PCDHGA2: variants seen among roughly 807,000 people sequenced by gnomAD.
PCDHGA2 encodes protocadherin gamma subfamily A, 2, also known as protocadherin gamma-A2.
A neutral mutation model predicts 59.2 loss-of-function variants in PCDHGA2; 40 were observed. The observed-to-expected ratio is 0.68, with a 90% confidence interval of 0.52 to 0.88. PCDHGA2 has a LOEUF of 0.88. Ranked by LOEUF, PCDHGA2 falls within the 40% of genes least tolerant of loss-of-function variation. The probability of loss-of-function intolerance (pLI) is 0.00; values close to 1 mark genes in which losing one functional copy is unlikely to be tolerated. For synonymous variants in PCDHGA2, 560 were observed against 526.0 expected, an observed-to-expected ratio of 1.06 and a Z score of -0.89; for missense variants, 1,226 against 1,204.0, an observed-to-expected ratio of 1.02 and a Z score of -0.27.
chr5:141,403,465 G>A, intron 1 of PCDHGA2: 1 of 1,614,018 alleles, frequency 6.2e-7, no homozygotes, highest in Non-Finnish European at 8.5e-7. Context: ...AGAGCTACCA[G>A]CTCAGCCCCA....
In PCDHGA2 at chr5:141,408,212, A is replaced by C. The variant is rs1360693546; in HGVS notation, c.2424+66817A>C. ...AGAACCCGAGCGAACGATGGGAGGGAGCTGCGCGCAGAGGCGCCGGGCCGG... is the reference window on the plus strand; with the variant it reads ...AGAACCCGAGCGAACGATGGGAGGGCGCTGCGCGCAGAGGCGCCGGGCCGG... On this transcript the variant is annotated intron_variant, in intron 1 of 3. Coordinates refer to ENST00000394576, the MANE Select transcript of PCDHGA2 (RefSeq NM_018915.4). 1.9e-6 allele frequency: 3 copies of C among 1,554,492 alleles called. No individual in the cohort carries two copies. In the Admixed American group the frequency reaches 5.9e-5, roughly 30 times the overall value.
chr5:141,410,287 C>T (rs1277233674), intron 1 of PCDHGA2: 1 of 1,614,018 alleles, frequency 6.2e-7, no homozygotes, highest in East Asian at 2.2e-5. Context: ...TGGTGGTGGC[C>T]TTGGCCTTAA....
intron 1 of PCDHGA2, chr5:141,392,860 T>G (rs726684): frequency 0.19 from 299,729 of 1,611,996 alleles, 30,027 homozygotes; most frequent in Admixed American, 0.35. Context: ...CTGATCCTGC[T>G]GTGCGCGCTG....
intron 1 of PCDHGA2, chr5:141,352,348 A>G (rs776268889): frequency 1.2e-6 from 2 of 1,613,802 alleles, no homozygotes; most frequent in Admixed American, 3.3e-5. Flanking sequence ...CCTTGATCTC[A>G]GTGCTCTTTC....
intron 1 of PCDHGA2, among the ~76,000 whole-genome samples, chr5:141,453,193 A>G (rs2098757675): frequency 6.6e-6 from 1 of 152,142 alleles, no homozygotes; most frequent in Admixed American, 6.5e-5. Context: ...AGCTCACTGC[A>G]GCCTCAACCT....
At chr5:141,361,078 T>TA in intron 1 of PCDHGA2, 1 of 1,614,004 alleles carries the variant, frequency 6.2e-7, no homozygotes, top group Non-Finnish European at 8.5e-7. Context: ...TGCAAGTAGT[T>TA]ACACTCTGAG....
At chr5:141,443,977 AT>A (rs1443967001) in intron 1 of PCDHGA2, among the ~76,000 whole-genome samples, 1 of 152,020 alleles carries the variant, frequency 6.6e-6, no homozygotes, top group African/African-American at 2.4e-5. Context: ...CATCTAAGCT[AT>A]GTTAATTTTA....
intron 1 of PCDHGA2, chr5:141,427,502 G>A (rs1276688816): frequency 1.7e-6 from 1 of 576,718 alleles, no homozygotes; most frequent in East Asian, 4.0e-5. Flanking sequence ...TAACAGATGG[G>A]ACCCTGGATT....
intron 1 of PCDHGA2, chr5:141,395,466 TC>T (rs951026760): frequency 3.5e-6 from 2 of 577,354 alleles, no homozygotes; most frequent in Non-Finnish European, 5.8e-6. Context: ...TTTTAAGCCT[TC>T]CAGTATTTTA....
At position 141,340,783 on chromosome 5, in the gene PCDHGA2, G is replaced by A; in HGVS notation, c.1812G>A (p.Leu604=). The A allele has an allele frequency of 6.2e-7, 1 of 1,613,896 alleles. No individual in the cohort carries two copies. Residue 604 remains leucine, a synonymous_variant, in exon 1 of 4, where the codon CTG becomes CTA. Transcript: ENST00000394576. ...VDRDSGQNAW[L]SYHLLKASEP... is the part of the protein sequence containing the mutation. ...GAGACTCGGGCCAGAACGCCTGGCT[G>A]TCTTACCACCTGCTCAAGGCCAGCG...
At chr5:141,421,444 A>T in intron 1 of PCDHGA2, 1 of 1,614,020 alleles carries the variant, frequency 6.2e-7, no homozygotes, top group Non-Finnish European at 8.5e-7. Flanking sequence ...CAGAGGGAAG[A>T]CACAGCTTTT....
chr5:141,433,305 C>A, intron 1 of PCDHGA2: 1 of 931,030 alleles, frequency 1.1e-6, no homozygotes, highest in Non-Finnish European at 1.6e-6. Context: ...GCAATTATCC[C>A]ACCTTTGCCT....
At chr5:141,462,698 G>A (rs2099045237) in intron 1 of PCDHGA2, among the ~76,000 whole-genome samples, 1 of 152,062 alleles carries the variant, frequency 6.6e-6, no homozygotes. Context: ...ATTTATAATG[G>A]AGGTTTTAAA....
intron 1 of PCDHGA2, chr5:141,350,533 G>A: frequency 6.2e-7 from 1 of 1,614,072 alleles, no homozygotes; most frequent in Non-Finnish European, 8.5e-7. Context: ...ATCGAGAGAA[G>A]ATTTGCGGAA....
intron 1 of PCDHGA2, among the ~76,000 whole-genome samples, chr5:141,479,914 G>T (rs2099509746): frequency 6.6e-6 from 1 of 152,148 alleles, no homozygotes; most frequent in South Asian, 2.1e-4. Context: ...CTGTTATTTT[G>T]TTACTCAGTG....
At chr5:141,403,732 G>A (rs1472288445) in intron 1 of PCDHGA2, 2 of 1,613,932 alleles carry the variant, frequency 1.2e-6, no homozygotes, top group Non-Finnish European at 1.7e-6. Context: ...CAGGCACCTG[G>A]CTGCTTACTG....
chr5:141,386,113 A>G (rs187458187), intron 1 of PCDHGA2: 12 of 152,338 alleles, frequency 7.9e-5, no homozygotes, highest in Admixed American at 2.0e-4. Context: ...TGGGCTATCA[A>G]AGTGGGAGAT....
intron 1 of PCDHGA2, chr5:141,376,578 A>C: frequency 6.3e-6 from 10 of 1,590,844 alleles, no homozygotes; most frequent in Non-Finnish European, 8.6e-6. Flanking sequence ...AGACAGGCTC[A>C]TCAGCTAGAT....
chr5:141,423,067 G>A (rs757110751), intron 1 of PCDHGA2: 10 of 1,614,024 alleles, frequency 6.2e-6, no homozygotes, highest in South Asian at 5.5e-5. Context: ...TAAGGCCAGC[G>A]AGCCGGGACT....
Sources: gnomAD v4.1 joint callset for allele counts (sites outside exome capture counted in the v4.1 genomes callset) on GRCh38, gnomAD v4.1.1 for gene constraint, MANE v1.5 for transcripts, NCBI Gene and HGNC (gene_info 2026-07-23, HGNC 2026-07-21) for gene names.